Variants in RNF213 observed in about 807,000 individuals in gnomAD.
RNF213 encodes E3 ubiquitin-protein ligase RNF213.
A neutral mutation model predicts 514.4 loss-of-function variants in RNF213; 341 were observed. The ratio of observed to expected loss-of-function variants is 0.66; its 90% CI spans 0.61 to 0.73. The LOEUF (loss-of-function observed/expected upper bound fraction) is 0.73, where lower values mean the gene tolerates loss of function less well. Ranked by LOEUF, RNF213 falls within the 30% of genes least tolerant of loss-of-function variation. RNF213 has a pLI of 0.00. For missense variants in RNF213, 5,767 were observed against 6,615.6 expected (o/e 0.87, Z 4.45); for synonymous variants, 2,655 against 2,658.2 (o/e 1.00, Z 0.04).
At chr17:80,361,355 C>T (rs1424865310) in intron 38 of RNF213, among the ~76,000 whole-genome samples, 1 of 152,086 alleles carries the variant, frequency 6.6e-6, no homozygotes, top group Non-Finnish European at 1.5e-5. Flanking sequence ...CCCGTCTCTA[C>T]TAAAAATACA....
chr17:80,365,633 TGAG>T (rs1234344474), intron 42 of RNF213, among the ~76,000 whole-genome samples: 1 of 152,106 alleles, frequency 6.6e-6, no homozygotes, highest in Non-Finnish European at 1.5e-5. Context: ...TGCAAGAAAC[TGAG>T]GAGTTTTTCG....
chr17:80,265,337 G>A (rs761289587), intron 2 of RNF213, among the ~76,000 whole-genome samples: 3 of 152,248 alleles, frequency 2.0e-5, no homozygotes, highest in South Asian at 4.1e-4. Context: ...GTGAGCCACC[G>A]CGCCCAGCCT....
At position 80,328,474 on chromosome 17, in the gene RNF213, C is replaced by G. The variant is rs2046334889; in HGVS notation, c.3514C>G (p.Gln1172Glu). Residue 1172 changes from glutamine (Q) to glutamate (E), a missense_variant, in exon 20 of 68, where the codon CAA becomes GAA. By Grantham distance (29) the Gln-to-Glu change is conservative. This residue lies in a region of RNF213 where 516 missense variants were observed against 566.5 expected (regional missense o/e 0.91). Coordinates refer to ENST00000582970, the MANE Select transcript of RNF213 (RefSeq NM_001256071.3). ...GTGTGGGAACGTGAAACATCTGATA[C>G]AAGGTGGTATTCCTGAGAAGTGAAC... The part of the protein sequence containing the change: ...KMCGNVKHLI[Q>E]VDFGVLAVRH... 1.3e-6 allele frequency: 2 copies of G among 1,537,060 alleles called. No homozygotes were observed. The highest frequency in any genetic ancestry group is 1.7e-6 in the Non-Finnish European group (2 of 1,146,888).
chr17:80,390,159 C>T lies in RNF213; in HGVS notation c.15433C>T (p.Gln5145Ter), dbSNP rs767686409. ...GATAATCTTGAAACTAAAGAACCCC[C>T]AAACCCAAACCGAGGAGCGCTTCCG... ...EMIILKLKNP[Q>*]TQTEERFRPQ... is the part of the protein sequence containing the mutation. The change falls in exon 67 of 68, where the codon CAA becomes TAA. Residue 5145 changes from glutamine (Q) to a stop codon, truncating the protein, a stop_gained. Coordinates refer to ENST00000582970, the MANE Select transcript of RNF213 (RefSeq NM_001256071.3). LOFTEE classifies it low-confidence loss of function (END_TRUNC). The T allele has an allele frequency of 2.5e-6, 4 of 1,614,162 alleles. No individual in the cohort carries two copies. Among genetic ancestry groups the T allele is most frequent in the South Asian group, 1.1e-5 (1 of 91,082 alleles).
chr17:80,287,744 AGTT>A lies in RNF213; in HGVS notation c.262-69_262-67del. On this transcript the variant is annotated intron_variant, in intron 3 of 67. Transcript: ENST00000582970. The stretch of plus-strand genomic sequence containing the variant: ...GATGTAGTTGAGGAACGGAAGAGAA[AGTT>A]GGAGGGAAACACGGGCTAGAGTAGA... The A allele has an allele frequency of 2.0e-6, 3 of 1,519,102 alleles. No homozygotes were observed. The East Asian group carries it at 6.7e-5, about 34-fold the overall frequency. 94.1% of individuals were successfully genotyped at this position (1,519,102 alleles called of 1,614,324 possible).
intron 26 of RNF213, among the ~76,000 whole-genome samples, chr17:80,342,695 T>C (rs1449831582): frequency 6.8e-6 from 1 of 146,674 alleles, no homozygotes; most frequent in Non-Finnish European, 1.5e-5. Flanking sequence ...ATATACTATA[T>C]ATATTCTATA....
At chr17:80,321,116 G>A (rs2046124109) in intron 17 of RNF213, 1 of 152,210 alleles carries the variant, frequency 6.6e-6, no homozygotes, top group Non-Finnish European at 1.5e-5. Context: ...TGGAATATTT[G>A]CATTTACATA....
intron 15 of RNF213, among the ~76,000 whole-genome samples, chr17:80,313,789 TGAA>T (rs1199973310): frequency 4.3e-5 from 6 of 140,378 alleles, no homozygotes; most frequent in Admixed American, 1.4e-4. Flanking sequence ...ATGGTGGTGG[TGAA>T]GGTGATGGTG....
At chr17:80,289,961 C>A in intron 6 of RNF213, 124 bp downstream of exon 6, 1 of 1,104,688 alleles carries the variant, frequency 9.1e-7, no homozygotes. Context: ...GCAAGTTTAA[C>A]TTTGGGGGAA....
chr17:80,297,940 C>CTT (rs1295551139), intron 10 of RNF213, among the ~76,000 whole-genome samples: 2 of 152,318 alleles, frequency 1.3e-5, no homozygotes, highest in African/African-American at 4.8e-5. Flanking sequence ...GAGTGAGACT[C>CTT]TGTCTCTAAA....
rs994218578 is a variant in RNF213 at position 80,353,760 on chromosome 17, G to A, written c.10578+94G>A. The stretch of plus-strand genomic sequence containing the variant: ...TTTTGCATTGGGAGCTAGAGGAGTC[G>A]CCGCCGCTGTGCAGGGGTGAGGATG... On this transcript the variant is annotated intron_variant, in intron 34 of 67. Coordinates refer to ENST00000582970, the MANE Select transcript of RNF213 (RefSeq NM_001256071.3). The surrounding 1 kb of genome is among the most constrained non-coding windows in gnomAD (Gnocchi z 5.0). 52 of 1,535,798 alleles carry A rather than the reference G, an allele frequency of 3.4e-5. No individual in the cohort carries two copies. The highest frequency in any genetic ancestry group is 4.2e-5 in the Non-Finnish European group (47 of 1,111,098).
At chr17:80,262,060 C>T (rs555453400) in intron 1 of RNF213, among the ~76,000 whole-genome samples, 17 of 152,166 alleles carry the variant, frequency 1.1e-4, no homozygotes, top group Non-Finnish European at 2.4e-4. Flanking sequence ...CTGTGGTTCC[C>T]CAGTGTAGCA....
intron 3 of RNF213, chr17:80,278,770 A>AT: frequency 6.5e-7 from 1 of 1,537,142 alleles, no homozygotes; most frequent in Non-Finnish European, 8.7e-7. Flanking sequence ...ACAGGGAGCT[A>AT]CATCAGAGGT....
In RNF213 at chr17:80,397,984, G is replaced by A. The variant is rs2080696386; in HGVS notation, c.*4486G>A. The A allele has an allele frequency of 6.7e-6, 1 of 149,818 alleles. No homozygotes were observed. The highest frequency in any genetic ancestry group is 6.7e-5 in the Admixed American group (1 of 14,868). The allele number at this position is 149,818 out of a possible 1,614,324, so 9.3% of individuals were successfully genotyped here. A position where few individuals can be genotyped will look rare whatever the true frequency, so the allele number is the denominator to read the frequency against. ...CAGTGTGTAGCAGGCCCCCGAGGAG[G>A]ATCAACGCAGTGGCTGAACACCGGG... On this transcript the variant is annotated 3_prime_UTR_variant, in exon 68 of 68. Transcript: ENST00000582970.
At chr17:80,338,088 C>G in intron 25 of RNF213, 91 bp downstream of exon 25, 1 of 1,461,176 alleles carries the variant, frequency 6.8e-7, no homozygotes, top group Non-Finnish European at 9.2e-7. Context: ...AAGGATTTGA[C>G]TTGGGATTTG....
At position 80,348,424 on chromosome 17, in the gene RNF213, G is replaced by T. The variant is rs893276896; in HGVS notation, c.9951+138G>T. 5.7e-5 allele frequency: 72 copies of T among 1,264,394 alleles called. No individual in the cohort carries two copies. The African/African-American group carries it at 9.3e-4, about 16-fold the overall frequency. The allele number at this position is 1,264,394 out of a possible 1,614,324, so 78.3% of individuals were successfully genotyped here. On this transcript the variant is annotated intron_variant, in intron 29 of 67. Transcript: ENST00000582970. ...ATGCTGAGACGCTGAGCTCTCCTCC[G>T]CGGTAAGTGTGGGGAGTAGGTCCAG...
chr17:80,344,005 C>G lies in RNF213; in HGVS notation c.6332C>G (p.Ser2111Cys). 6.2e-7 allele frequency: 1 copy of G among 1,614,188 alleles called. No homozygotes were observed. The highest frequency in any genetic ancestry group is 2.2e-5 in the East Asian group (1 of 44,882). Residue 2111 changes from serine to cysteine, a missense_variant, in exon 28 of 68, where the codon TCT becomes TGT. Ser to Cys is a moderately radical substitution (Grantham distance 112, BLOSUM62 -1). This residue lies in a region of RNF213 where 1,377 missense variants were observed against 1,635.2 expected (regional missense o/e 0.84). Coordinates refer to ENST00000582970, the MANE Select transcript of RNF213 (RefSeq NM_001256071.3). ...ERRTSVPSRS[S>C]SALRTRVPQF... ...AGGACGTCAGTGCCGTCGAGGAGCTCTTCAGCGCTGGTCTGTACTGTGGGG... is the reference window on the plus strand; with the variant it reads ...AGGACGTCAGTGCCGTCGAGGAGCTGTTCAGCGCTGGTCTGTACTGTGGGG...
intron 2 of RNF213, among the ~76,000 whole-genome samples, chr17:80,272,004 G>T (rs907440574): frequency 1.3e-5 from 2 of 148,660 alleles, no homozygotes; most frequent in Non-Finnish European, 3.0e-5. Context: ...AAGAAAAGAG[G>T]CCGGGTGGGG....
chr17:80,339,197 C>T lies in RNF213; in HGVS notation c.4834-4C>T. ...GAGCCAACCTCATGGTTCTGCCTCTCCAGGTCTTCTGCAGTGTGCAGAGGC... is the reference window on the plus strand; with the variant it reads ...GAGCCAACCTCATGGTTCTGCCTCTTCAGGTCTTCTGCAGTGTGCAGAGGC... On this transcript the variant is annotated splice_polypyrimidine_tract_variant and splice_region_variant and intron_variant, in intron 25 of 67. Coordinates refer to ENST00000582970, the MANE Select transcript of RNF213 (RefSeq NM_001256071.3). The T allele has an allele frequency of 6.8e-7, 1 of 1,467,108 alleles. No individual in the cohort carries two copies. Among genetic ancestry groups the T allele is most frequent in the Middle Eastern group, 1.8e-4 (1 of 5,618 alleles). 90.9% of individuals were successfully genotyped at this position (1,467,108 alleles called of 1,614,324 possible).
Sources: allele counts gnomAD v4.1 joint callset (sites outside exome capture counted in the v4.1 genomes callset), GRCh38; gene constraint gnomAD v4.1.1; regional missense constraint gnomAD v4.1.1; non-coding constraint Gnocchi (gnomAD v3.1); transcripts MANE v1.5; gene names NCBI Gene and HGNC (gene_info 2026-07-23, HGNC 2026-07-21).